The following CNTN5 variants were observed in gnomAD, a reference collection of about 807,000 sequenced individuals.
CNTN5 encodes the protein contactin-5.
CNTN5 carries 77 observed loss-of-function variants against 129.1 expected under a neutral mutation model. That is an observed-to-expected ratio of 0.60 (90% CI 0.50 to 0.72). The LOEUF is 0.72. CNTN5 is among the 30% of genes least tolerant of loss of function. The probability of loss-of-function intolerance (pLI) is 0.00; values close to 1 mark genes in which losing one functional copy is unlikely to be tolerated. For missense variants in CNTN5, 1,478 were observed against 1,328.8 expected (o/e 1.11, Z -1.75); for synonymous variants, 509 against 465.6 (o/e 1.09, Z -1.20).
At chr11:99,926,091 T>C (rs1410134460) in intron 7 of CNTN5, among the ~76,000 whole-genome samples, 1 of 152,188 alleles carries the variant, frequency 6.6e-6, no homozygotes, top group Non-Finnish European at 1.5e-5. Flanking sequence ...TGTAAGATAA[T>C]TAGCTCAATG....
At chr11:99,171,013 G>A (rs971217789) in intron 1 of CNTN5, among the ~76,000 whole-genome samples, 6 of 152,026 alleles carry the variant, frequency 3.9e-5, no homozygotes, top group African/African-American at 1.4e-4. Flanking sequence ...CAGAAGTTAT[G>A]GTTTTCATTA....
chr11:99,391,469 A>G (rs895164940), intron 2 of CNTN5, among the ~76,000 whole-genome samples: 1 of 152,156 alleles, frequency 6.6e-6, no homozygotes, highest in African/African-American at 2.4e-5. Flanking sequence ...CTGCTGTCAT[A>G]TAGTAGCTAA....
At chr11:99,957,421 C>G (rs1208191080) in intron 8 of CNTN5, among the ~76,000 whole-genome samples, 1 of 152,128 alleles carries the variant, frequency 6.6e-6, no homozygotes, top group Non-Finnish European at 1.5e-5. Context: ...GGTTTTAATA[C>G]TTCATGGTAT....
intron 1 of CNTN5, among the ~76,000 whole-genome samples, chr11:99,070,630 A>G (rs1326774527): frequency 1.3e-5 from 2 of 152,122 alleles, no homozygotes; most frequent in African/African-American, 2.4e-5. Context: ...CAAGTATTAT[A>G]TTTATATGAT....
intron 1 of CNTN5, among the ~76,000 whole-genome samples, chr11:99,025,456 T>C (rs143992185): frequency 5.9e-4 from 89 of 151,930 alleles, no homozygotes; most frequent in African/African-American, 2.1e-3. Flanking sequence ...AGGATTCTTA[T>C]AGCTGCTAAC....
chr11:99,631,603 G>C (rs751048640), intron 3 of CNTN5, among the ~76,000 whole-genome samples: 1 of 151,746 alleles, frequency 6.6e-6, no homozygotes, highest in Non-Finnish European at 1.5e-5. Context: ...TTGCTAAGCA[G>C]TAGTAAGTTT....
chr11:100,334,488 T>C (rs1427091499), intron 21 of CNTN5, among the ~76,000 whole-genome samples: 2 of 152,130 alleles, frequency 1.3e-5, no homozygotes, highest in Non-Finnish European at 2.9e-5. Context: ...CACACGTTTA[T>C]AGCAGCACAA....
chr11:99,022,969 A>G (rs1823674658), intron 1 of CNTN5, among the ~76,000 whole-genome samples: 2 of 152,230 alleles, frequency 1.3e-5, no homozygotes, highest in Non-Finnish European at 2.9e-5. Context: ...TAAAAGTTAT[A>G]TAAAAATATA....
intron 18 of CNTN5, among the ~76,000 whole-genome samples, chr11:100,289,538 A>C (rs373065685): frequency 6.6e-6 from 1 of 152,116 alleles, no homozygotes; most frequent in Admixed American, 6.6e-5. Context: ...CAGCAGAAAA[A>C]GCCTTTGACA....
intron 1 of CNTN5, among the ~76,000 whole-genome samples, chr11:99,255,789 AACACAC>A (rs1308599197): frequency 6.6e-6 from 1 of 150,690 alleles, no homozygotes; most frequent in African/African-American, 2.4e-5. Flanking sequence ...TACATGCATA[AACACAC>A]ACACGCACAC....
intron 3 of CNTN5, among the ~76,000 whole-genome samples, chr11:99,790,575 A>C (rs190953284): frequency 1.3e-5 from 2 of 152,202 alleles, no homozygotes; most frequent in Admixed American, 1.3e-4. Flanking sequence ...TCTACCATTC[A>C]TGGGAATTTA....
At chr11:100,072,989 G>GAAAAAAAAAAAAAAAAA (rs1943983679) in intron 12 of CNTN5, among the ~76,000 whole-genome samples, 1 of 18,008 alleles carries the variant, frequency 5.6e-5, no homozygotes, top group African/African-American at 3.6e-4. Flanking sequence ...TTCCCAGGAG[G>GAAAAAAAAAAAAAAAAA]CAAAAAAAAA....
intron 23 of CNTN5, among the ~76,000 whole-genome samples, chr11:100,347,601 G>A (rs565717558): frequency 1.3e-5 from 2 of 152,148 alleles, no homozygotes; most frequent in Middle Eastern, 3.4e-3. Context: ...CAACATGCAA[G>A]CAAACATCTG....
intron 2 of CNTN5, among the ~76,000 whole-genome samples, chr11:99,507,152 C>A (rs913305839): frequency 3.3e-5 from 5 of 151,944 alleles, no homozygotes; most frequent in African/African-American, 9.6e-5. Flanking sequence ...CCGAGGCAGG[C>A]AGATCATGAG....
chr11:100,184,229 A>C (rs1259897375), intron 13 of CNTN5, among the ~76,000 whole-genome samples: 1 of 152,148 alleles, frequency 6.6e-6, no homozygotes, highest in Non-Finnish European at 1.5e-5. Flanking sequence ...ACATTTACAT[A>C]TATTATGTAA....
chr11:99,819,933 A>C (rs1946744197), intron 4 of CNTN5, among the ~76,000 whole-genome samples, 168 bp downstream of exon 4: 1 of 152,222 alleles, frequency 6.6e-6, no homozygotes, highest in African/African-American at 2.4e-5. Context: ...GAGCTAGTAG[A>C]AAACTGGAGG....
intron 13 of CNTN5, among the ~76,000 whole-genome samples, chr11:100,124,915 T>A (rs962619106): frequency 1.3e-5 from 2 of 152,074 alleles, no homozygotes; most frequent in Non-Finnish European, 2.9e-5. Context: ...TTCTCAAACT[T>A]TAGTATGCAT....
chr11:99,521,947 C>T (rs10790767), intron 2 of CNTN5, among the ~76,000 whole-genome samples: 60,923 of 151,962 alleles, frequency 0.4, 12,292 homozygotes, highest in East Asian at 0.41. Context: ...TTTACCTTTG[C>T]AGTAAGTTTC....
At chr11:99,557,454 T>G (rs1948709913) in intron 3 of CNTN5, among the ~76,000 whole-genome samples, 1 of 151,414 alleles carries the variant, frequency 6.6e-6, no homozygotes, top group Admixed American at 6.6e-5. Flanking sequence ...TTTCTTTATT[T>G]CAAAGAACTA....
Sources: gnomAD v4.1 joint callset for allele counts (sites outside exome capture counted in the v4.1 genomes callset) on GRCh38, gnomAD v4.1.1 for gene constraint, MANE v1.5 for transcripts, NCBI Gene and HGNC (gene_info 2026-07-23, HGNC 2026-07-21) for gene names.